TULP4: variants seen among roughly 807,000 people sequenced by gnomAD.
TULP4 encodes the protein tubby-related protein 4.
A neutral mutation model predicts 129.0 loss-of-function variants in TULP4; 16 were observed. The ratio of observed to expected loss-of-function variants is 0.12; its 90% CI spans 0.08 to 0.19. The LOEUF is 0.19. Ranked by LOEUF, TULP4 falls within the 10% of genes least tolerant of loss-of-function variation. The pLI, the probability that TULP4 is intolerant of heterozygous loss-of-function variation, is 1.00. For synonymous variants in TULP4, 998 were observed against 854.0 expected (o/e 1.17, Z -2.94); for missense variants, 1,842 against 2,059.1 (o/e 0.89, Z 2.04).
chr6:158,238,243 A>G, intron 1 of TULP4: 1 of 1,080,340 alleles, frequency 9.3e-7, no homozygotes, highest in Non-Finnish European at 1.4e-6. Context: ...GCTGATCTGA[A>G]AATTCCTGAA....
rs2064218504 is a variant in TULP4, at chr6:158,454,041, T to C, written c.859+1773T>C. On this transcript the variant is annotated intron_variant, in intron 5 of 13. Transcript: ENST00000367097. Reference sequence around the variant, plus strand: ...GCACCGCCCCCCCCCAAGTAATTACTCTATTTTTAAACTATAGAATATTTT... The same window carrying C: ...GCACCGCCCCCCCCCAAGTAATTACCCTATTTTTAAACTATAGAATATTTT... Among the ~76,000 whole-genome samples, 6 of 135,872 alleles carry C rather than the reference T, an allele frequency of 4.4e-5. No homozygotes were observed. In the South Asian group the frequency reaches 7.4e-4, roughly 17 times the overall value. 89.1% of individuals were successfully genotyped at this position (135,872 alleles called of 152,430 possible). A position where few individuals can be genotyped will look rare whatever the true frequency, so the allele number is the denominator to read the frequency against.
At chr6:158,260,047 GCC>G (rs1294279958) in intron 1 of TULP4, among the ~76,000 whole-genome samples, 1 of 152,168 alleles carries the variant, frequency 6.6e-6, no homozygotes, top group Non-Finnish European at 1.5e-5. Flanking sequence ...TCAGTCTCCA[GCC>G]CCTCTTCTTC....
intron 8 of TULP4, among the ~76,000 whole-genome samples, chr6:158,484,096 T>G (rs1054166169): frequency 7.9e-5 from 12 of 152,008 alleles, no homozygotes; most frequent in African/African-American, 2.7e-4. Context: ...TTTTTAATTT[T>G]TTTTTTATTT....
intron 1 of TULP4, among the ~76,000 whole-genome samples, chr6:158,384,620 CA>C (rs1777399892): frequency 6.6e-6 from 1 of 152,064 alleles, no homozygotes; most frequent in Non-Finnish European, 1.5e-5. Context: ...TATTAGTTGG[CA>C]GTGGTTGATC....
chr6:158,286,907 C>T (rs1408033032), intron 1 of TULP4, among the ~76,000 whole-genome samples: 2 of 152,122 alleles, frequency 1.3e-5, no homozygotes, highest in Non-Finnish European at 2.9e-5. Flanking sequence ...CACTTGAGTT[C>T]ATCTCTTTAT....
intron 1 of TULP4, among the ~76,000 whole-genome samples, chr6:158,257,472 A>G (rs6920121): frequency 0.17 from 26,280 of 152,242 alleles, 2,708 homozygotes; most frequent in Middle Eastern, 0.24. Context: ...GTTCAGGGCC[A>G]TTAAACAACA....
At chr6:158,255,894 A>G (rs916642699) in intron 1 of TULP4, among the ~76,000 whole-genome samples, 1 of 152,218 alleles carries the variant, frequency 6.6e-6, no homozygotes, top group Non-Finnish European at 1.5e-5. Flanking sequence ...ATCTAGTCAG[A>G]AGGTCAGAGG....
chr6:158,331,720 C>T (rs1195922408), intron 1 of TULP4, among the ~76,000 whole-genome samples: 6,006 of 48,138 alleles, frequency 0.12, 1,068 homozygotes, highest in Middle Eastern at 0.2. Context: ...CACACACACA[C>T]ACACACACAT....
rs952846941 is a variant in TULP4, at chr6:158,498,939, C to A, written c.2014+127C>A. The A allele has an allele frequency of 7.6e-6, 9 of 1,183,390 alleles. No individual in the cohort carries two copies. In the African/African-American group the frequency reaches 1.4e-4, roughly 18 times the overall value. 73.3% of individuals were successfully genotyped at this position (1,183,390 alleles called of 1,614,324 possible). A position where few individuals can be genotyped will look rare whatever the true frequency, so the allele number is the denominator to read the frequency against. ...GGGTTTGGAAAAGGTATCCCTGCCT[C>A]AGTAAGGTTGGTAGATGTGATGTTG... is the stretch of plus-strand genomic sequence containing the variant. On this transcript the variant is annotated intron_variant, in intron 12 of 13. Transcript: ENST00000367097.
intron 3 of TULP4, chr6:158,438,134 T>C (rs1034339755): frequency 6.6e-6 from 1 of 152,242 alleles, no homozygotes; most frequent in African/African-American, 2.4e-5. Flanking sequence ...ATTAATTATA[T>C]AATTTTTAAA....
rs34480077 is a variant in TULP4 at position 158,337,128 on chromosome 6, CTTTTTTTTT to C, written c.252+22874_252+22882del. Among the ~76,000 whole-genome samples the C allele has an allele frequency of 6.5e-3, 480 of 73,852 alleles. 4 individuals are homozygous for C. Among genetic ancestry groups the C allele is most frequent in the Admixed American group, 0.011 (50 of 4,556 alleles). The allele number at this position is 73,852 out of a possible 152,430, so 48.4% of individuals were successfully genotyped here. On this transcript the variant is annotated intron_variant, in intron 1 of 13. Transcript: ENST00000367097. ...TTTTTCTCTCTCTCTCTTTCTTTCTCTTTTTTTTTTTTTTTTTTTTTTGAGACAGAGTCT... is the reference window on the plus strand; with the variant it reads ...TTTTTCTCTCTCTCTCTTTCTTTCTCTTTTTTTTTTTTTGAGACAGAGTCT...
chr6:158,352,912 T>C (rs1299643544), intron 1 of TULP4, among the ~76,000 whole-genome samples: 1 of 152,236 alleles, frequency 6.6e-6, no homozygotes, highest in Non-Finnish European at 1.5e-5. Context: ...ATGATTTAAG[T>C]AATAAAGGAA....
At chr6:158,474,218 C>T (rs1300084651) in intron 6 of TULP4, among the ~76,000 whole-genome samples, 1 of 152,202 alleles carries the variant, frequency 6.6e-6, no homozygotes, top group Non-Finnish European at 1.5e-5. Context: ...GATCCCCCAT[C>T]CTTCTTAGGG....
chr6:158,407,474 A>G (rs772839879), intron 1 of TULP4, among the ~76,000 whole-genome samples: 13 of 152,230 alleles, frequency 8.5e-5, no homozygotes, highest in Non-Finnish European at 1.8e-4. Flanking sequence ...AGTTGAACAT[A>G]GAATTATCAT....
Position 158,502,011 on chromosome 6 carries a change from T to C in TULP4, c.2348T>C (p.Met783Thr). Residue 783 changes from methionine to threonine, a missense_variant, in exon 13 of 14, where the codon ATG (methionine) becomes ACG (threonine). Met to Thr is a moderately conservative substitution (Grantham distance 81, BLOSUM62 -1). Coordinates refer to ENST00000367097, the MANE Select transcript of TULP4 (RefSeq NM_020245.5). ...CTGCCTCCCCCGCCGCAGGGGCCCA[T>C]GCAGCTGTCCACGGTGGGCCATGGA... ...LSLPPPPQGP[M>T]QLSTVGHGDR... is the part of the protein sequence containing the mutation. 1 of 1,612,126 alleles carries C rather than the reference T, an allele frequency of 6.2e-7. No homozygotes were observed. The highest frequency in any genetic ancestry group is 1.1e-5 in the South Asian group (1 of 90,968).
intron 1 of TULP4, among the ~76,000 whole-genome samples, chr6:158,387,547 A>C (rs1407840483): frequency 6.6e-6 from 1 of 152,232 alleles, no homozygotes; most frequent in Non-Finnish European, 1.5e-5. Flanking sequence ...TCTTATGCTG[A>C]CTTCATGGAT....
chr6:158,470,977 G>A (rs1022932272), intron 6 of TULP4, among the ~76,000 whole-genome samples: 2 of 152,152 alleles, frequency 1.3e-5, no homozygotes, highest in Admixed American at 6.5e-5. Flanking sequence ...AGGCATGACT[G>A]TGTTCATATA....
rs573711206 is a variant in TULP4, at chr6:158,392,009, G to A, written c.253-21056G>A. ...TTTCACGCTGTTAAATGAATGAAAT[G>A]TATTAGTTCATTTTCATGCTGCTGA... On this transcript the variant is annotated intron_variant, in intron 1 of 13. Coordinates refer to ENST00000367097, the MANE Select transcript of TULP4 (RefSeq NM_020245.5). Among the ~76,000 whole-genome samples the A allele has an allele frequency of 2.0e-5, 3 of 152,288 alleles. No individual in the cohort carries two copies. In the South Asian group the frequency reaches 6.2e-4, roughly 32 times the overall value.
intron 3 of TULP4, among the ~76,000 whole-genome samples, chr6:158,437,435 C>T (rs1324762541): frequency 6.6e-6 from 1 of 152,144 alleles, no homozygotes; most frequent in Non-Finnish European, 1.5e-5. Flanking sequence ...GTGGCACATT[C>T]CAGTGGTCCC....
Sources: gnomAD v4.1 joint callset for allele counts (sites outside exome capture counted in the v4.1 genomes callset) on GRCh38, gnomAD v4.1.1 for gene constraint, MANE v1.5 for transcripts, NCBI Gene and HGNC (gene_info 2026-07-23, HGNC 2026-07-21) for gene names.